The following GNAL variants were observed in gnomAD, a reference collection of about 807,000 sequenced individuals.
GNAL encodes guanine nucleotide-binding protein G(olf) subunit alpha.
GNAL carries 18 observed loss-of-function variants against 55.1 expected under a neutral mutation model. The observed-to-expected ratio is 0.33, with a 90% CI of 0.23 to 0.48. GNAL has a LOEUF of 0.48. Among genes scored for constraint, GNAL ranks in the 20% least tolerant of loss-of-function variants. The probability of loss-of-function intolerance (pLI) is 0.99; values close to 1 mark genes in which losing one functional copy is unlikely to be tolerated. For missense variants in GNAL, 412 were observed against 614.1 expected (o/e 0.67, Z 3.48); for synonymous variants, 253 against 237.0 (o/e 1.07, Z -0.62).
intron 4 of GNAL, among the ~76,000 whole-genome samples, chr18:11,775,412 T>A (rs1477893915): frequency 1.3e-5 from 2 of 152,256 alleles, no homozygotes; most frequent in Non-Finnish European, 2.9e-5. Context: ...TCTCACTTAA[T>A]CCACACACAT....
chr18:11,851,696 C>T (rs201261255), intron 5 of GNAL: 1 of 1,613,838 alleles, frequency 6.2e-7, no homozygotes, highest in African/African-American at 1.3e-5. Context: ...AAGAACCAGG[C>T]GGTGAATTTC....
chr18:11,839,353 G>A (rs1190469540), intron 5 of GNAL, among the ~76,000 whole-genome samples: 2 of 151,522 alleles, frequency 1.3e-5, no homozygotes, highest in African/African-American at 2.4e-5. Flanking sequence ...AGAGCAGCCT[G>A]GGCATCTTGG....
intron 1 of GNAL, among the ~76,000 whole-genome samples, chr18:11,748,808 T>A (rs919657819): frequency 3.3e-5 from 5 of 152,024 alleles, no homozygotes; most frequent in African/African-American, 1.2e-4. Flanking sequence ...ACTCTATGCT[T>A]TTTTCAAAAA....
At chr18:11,863,846 C>G (rs949394158) in intron 6 of GNAL, among the ~76,000 whole-genome samples, 25 of 152,208 alleles carry the variant, frequency 1.6e-4, no homozygotes, top group African/African-American at 6.0e-4. Flanking sequence ...AGTTACACTT[C>G]CTTTGGTTTC....
chr18:11,830,546 G>C (rs942716677), intron 5 of GNAL, among the ~76,000 whole-genome samples: 16 of 152,112 alleles, frequency 1.1e-4, no homozygotes, highest in African/African-American at 3.9e-4. Context: ...GGCCTCAGGA[G>C]GCCAGGCTGC....
intron 4 of GNAL, among the ~76,000 whole-genome samples, chr18:11,795,390 CA>C (rs752221474): frequency 0.042 from 2,874 of 68,274 alleles, 49 homozygotes; most frequent in East Asian, 0.25. Flanking sequence ...GACCCTGTCT[CA>C]AAAAAAAAAA....
intron 5 of GNAL, chr18:11,852,971 T>C (rs2035916049): frequency 6.0e-6 from 1 of 167,102 alleles, no homozygotes; most frequent in Admixed American, 6.5e-5. Context: ...AGAAGTCTTA[T>C]AAATTATGCT....
At chr18:11,799,334 A>G (rs766290592) in intron 4 of GNAL, among the ~76,000 whole-genome samples, 1 of 152,140 alleles carries the variant, frequency 6.6e-6, no homozygotes, top group Non-Finnish European at 1.5e-5. Context: ...GTGTAAAGCC[A>G]TTTTTGAACG....
rs1238323272 is a variant in GNAL, at chr18:11,751,161, G to T, written c.377-1692G>T. 6.6e-6 allele frequency among the ~76,000 whole-genome samples: 1 copy of T among 152,158 alleles called. No homozygotes were observed. Among genetic ancestry groups the T allele is most frequent in the East Asian group, 1.9e-4 (1 of 5,186 alleles). ...TCAACTGGGAGCCGCCACACACAAG[G>T]AACAGTGATTTCTCCACGCCCACGG... is the stretch of plus-strand genomic sequence containing the variant. On this transcript the variant is annotated intron_variant, in intron 1 of 11. Transcript: ENST00000334049. The surrounding 1 kb of genome is among the most constrained non-coding windows in gnomAD (Gnocchi z 4.5).
At chr18:11,721,606 G>A (rs2143404651) in intron 1 of GNAL, among the ~76,000 whole-genome samples, 1 of 151,064 alleles carries the variant, frequency 6.6e-6, no homozygotes, top group South Asian at 2.2e-4. Flanking sequence ...AAATACAAAA[G>A]TTAGCCAGGC....
intron 5 of GNAL, among the ~76,000 whole-genome samples, chr18:11,831,607 A>C (rs80063180): frequency 1.3e-5 from 2 of 152,198 alleles, no homozygotes; most frequent in Non-Finnish European, 2.9e-5. Flanking sequence ...CAAAGGCCCT[A>C]TGGGGAAAAG....
chr18:11,859,222 G>C (rs555824910), intron 5 of GNAL, among the ~76,000 whole-genome samples: 1 of 151,988 alleles, frequency 6.6e-6, no homozygotes, highest in Non-Finnish European at 1.5e-5. Context: ...CAAAAGTTGC[G>C]ACCATTTCTG....
intron 4 of GNAL, among the ~76,000 whole-genome samples, chr18:11,777,176 C>T (rs76956947): frequency 6.6e-6 from 1 of 152,194 alleles, no homozygotes; most frequent in East Asian, 1.9e-4. Context: ...GCCAAGTTTT[C>T]AGCACATCAT....
At chr18:11,790,661 C>CTTTTTTTTTCT (rs2034207276) in intron 4 of GNAL, among the ~76,000 whole-genome samples, 2 of 71,450 alleles carry the variant, frequency 2.8e-5, no homozygotes, top group African/African-American at 7.6e-5. Context: ...CTTTTTTTTT[C>CTTTTTTTTTCT]TTTTTTTTTT....
intron 5 of GNAL, among the ~76,000 whole-genome samples, chr18:11,834,835 A>T (rs1356325372): frequency 6.6e-6 from 1 of 152,234 alleles, no homozygotes; most frequent in Non-Finnish European, 1.5e-5. Context: ...GCGTTGGGTT[A>T]TGGGTTACGT....
At chr18:11,791,536 A>T (rs1204902692) in intron 4 of GNAL, among the ~76,000 whole-genome samples, 1 of 152,202 alleles carries the variant, frequency 6.6e-6, no homozygotes, top group Non-Finnish European at 1.5e-5. Flanking sequence ...ACATTTTAAA[A>T]GCTTTTAAAG....
chr18:11,706,765 A>G (rs1319057839), intron 1 of GNAL, among the ~76,000 whole-genome samples: 1 of 152,162 alleles, frequency 6.6e-6, no homozygotes, highest in East Asian at 1.9e-4. Flanking sequence ...ACCCATTAAC[A>G]TTGTATCCTG....
At chr18:11,840,842 G>A (rs1371653503) in intron 5 of GNAL, among the ~76,000 whole-genome samples, 6 of 150,602 alleles carry the variant, frequency 4.0e-5, no homozygotes, top group Non-Finnish European at 7.4e-5. Flanking sequence ...TTTAGTTCAC[G>A]TAAATGACAT....
intron 5 of GNAL, among the ~76,000 whole-genome samples, chr18:11,843,628 G>C (rs780193693): frequency 9.9e-5 from 15 of 152,150 alleles, no homozygotes. Context: ...AGTTATATTT[G>C]ATTTCTAATA....
Sources: allele counts gnomAD v4.1 joint callset (sites outside exome capture counted in the v4.1 genomes callset), GRCh38; gene constraint gnomAD v4.1.1; non-coding constraint Gnocchi (gnomAD v3.1); transcripts MANE v1.5; gene names NCBI Gene and HGNC (gene_info 2026-07-23, HGNC 2026-07-21).